HSPH1: variants seen among roughly 807,000 people sequenced by gnomAD.
The protein encoded by HSPH1 is heat shock protein family H (Hsp110) member 1, also known as heat shock protein 105 kDa.
A neutral mutation model predicts 100.0 loss-of-function variants in HSPH1; 40 were observed. That is an observed-to-expected ratio of 0.40 (90% confidence interval 0.31 to 0.52). HSPH1 has a LOEUF of 0.52. HSPH1 is among the 20% of genes least tolerant of loss of function. The pLI is 0.54. For synonymous variants in HSPH1, 403 were observed against 344.0 expected (o/e 1.17, Z -1.90); for missense variants, 876 against 1,015.1 (o/e 0.86, Z 1.86).
At chr13:31,159,238 C>G (rs1956810264) in intron 1 of HSPH1, among the ~76,000 whole-genome samples, 1 of 152,228 alleles carries the variant, frequency 6.6e-6, no homozygotes, top group African/African-American at 2.4e-5. Context: ...GTCACCAACT[C>G]TGTACAAATC....
rs1257359006 is a variant in HSPH1 at position 31,138,982 on chromosome 13, G to A, written c.2088+18C>T. 23 of 1,594,222 alleles carry A rather than the reference G, an allele frequency of 1.4e-5. No individual in the cohort carries two copies. Among genetic ancestry groups the A allele is most frequent in the Non-Finnish European group, 1.8e-5 (21 of 1,162,994 alleles). ...TTTAAAACACAAGTACCACCTTTTG[G>A]GGGAGAAAACGACCTACCATTAATT... On this transcript the variant is annotated intron_variant, in intron 15 of 17. Coordinates refer to ENST00000320027, the MANE Select transcript of HSPH1 (RefSeq NM_006644.4).
At chr13:31,151,901 T>C (rs1735371987) in intron 5 of HSPH1, 159 bp from the exon 6 acceptor site, 6 of 592,950 alleles carry the variant, frequency 1.0e-5, no homozygotes, top group Admixed American at 3.3e-5. Flanking sequence ...ACTGATTTTC[T>C]TGGAATTAAT....
intron 6 of HSPH1, 41 bp from the exon 7 acceptor site, chr13:31,151,232 T>C (rs1449480145): frequency 1.3e-6 from 2 of 1,508,756 alleles, no homozygotes; most frequent in Non-Finnish European, 1.8e-6. Flanking sequence ...TTATTTTCAA[T>C]CACATTTGTA....
rs779400970 is a variant in HSPH1, at chr13:31,145,575, G to A, written c.1572C>T (p.Asn524=). 6 of 1,612,834 alleles carry A rather than the reference G, an allele frequency of 3.7e-6. No individual in the cohort carries two copies. The Admixed American group carries it at 5.0e-5, about 13-fold the overall frequency. The change falls in exon 11 of 18, where the codon AAC becomes AAT. Residue 524 remains asparagine, a synonymous_variant. Transcript: ENST00000320027. ...TCCACAAACTTACATCAGTGTCTGG[G>A]TTTTCTGGTGGTCTCTGATTCAGAC... ...MECLNQRPPE[N]PDTDKNVQQD... is the part of the protein sequence containing the mutation.
intron 8 of HSPH1, among the ~76,000 whole-genome samples, 173 bp from the exon 9 acceptor site, chr13:31,148,653 C>A (rs557380988): frequency 6.6e-6 from 1 of 150,514 alleles, no homozygotes; most frequent in East Asian, 2.0e-4. Flanking sequence ...ATTTTACCAT[C>A]TAAATACTAT....
intron 2 of HSPH1, among the ~76,000 whole-genome samples, chr13:31,157,179 G>A (rs1956729878): frequency 6.6e-6 from 1 of 152,204 alleles, no homozygotes; most frequent in South Asian, 2.1e-4. Context: ...GATGAAGTAT[G>A]TCTAGTAGTA....
At position 31,137,216 on chromosome 13, in the gene HSPH1, C is replaced by T; in HGVS notation, c.*102G>A. 1.3e-6 allele frequency: 1 copy of T among 791,368 alleles called. No individual in the cohort carries two copies. Among genetic ancestry groups the T allele is most frequent in the East Asian group, 2.6e-5 (1 of 38,398 alleles). 49.0% of individuals were successfully genotyped at this position (791,368 alleles called of 1,614,324 possible). A position where few individuals can be genotyped will look rare whatever the true frequency, so the allele number is the denominator to read the frequency against. On this transcript the variant is annotated 3_prime_UTR_variant, in exon 18 of 18. Transcript: ENST00000320027. Reference sequence around the variant, plus strand: ...TATAATACACAAAATTTCTAAATATCCTTAAAAAAGAAAATATAAATAGTT... The same window carrying T: ...TATAATACACAAAATTTCTAAATATTCTTAAAAAAGAAAATATAAATAGTT...
chr13:31,141,206 C>T lies in HSPH1; in HGVS notation c.1770G>A (p.Lys590=). The change falls in exon 13 of 18, where the codon AAG becomes AAA. Residue 590 remains lysine (K), a synonymous_variant. Transcript: ENST00000320027. Reference sequence around the variant, plus strand: ...CAATAGGCAGCTCAACATTCACCACCTTTATTTTGGGCTTTTTAGCTTCTG... The same window carrying T: ...CAATAGGCAGCTCAACATTCACCACTTTTATTTTGGGCTTTTTAGCTTCTG... The part of the protein sequence containing the change: ...QPPEAKKPKI[K]VVNVELPIEA... The T allele has an allele frequency of 6.2e-7, 1 of 1,610,528 alleles. No individual in the cohort carries two copies. The highest frequency in any genetic ancestry group is 8.5e-7 in the Non-Finnish European group (1 of 1,178,082).
At position 31,161,820 on chromosome 13, in the gene HSPH1, C is replaced by A; in HGVS notation, c.-238G>T. ...AACCCTGGGAGAAAGCGGGGCTCAG[C>A]CTCCGCAGGTCGCTCCGCACCTCGG... On this transcript the variant is annotated 5_prime_UTR_variant, in exon 1 of 18. Transcript: ENST00000320027. 6.8e-7 allele frequency: 1 copy of A among 1,478,818 alleles called. No homozygotes were observed. The allele number at this position is 1,478,818 out of a possible 1,614,324, so 91.6% of individuals were successfully genotyped here. A position where few individuals can be genotyped will look rare whatever the true frequency, so the allele number is the denominator to read the frequency against.
In HSPH1 at chr13:31,136,725, CAT is replaced by C. The variant is rs1320803840; in HGVS notation, c.*591_*592del. ...ACATTTCTTCCATTCCACACTTTCACATGACAATATACTGTATAGTGAGAGAG... is the reference window on the plus strand; with the variant it reads ...ACATTTCTTCCATTCCACACTTTCACGACAATATACTGTATAGTGAGAGAG... On this transcript the variant is annotated 3_prime_UTR_variant, in exon 18 of 18. Coordinates refer to ENST00000320027, the MANE Select transcript of HSPH1 (RefSeq NM_006644.4). The C allele has an allele frequency of 2.0e-5, 3 of 153,602 alleles. No individual in the cohort carries two copies. Among genetic ancestry groups the C allele is most frequent in the East Asian group, 1.9e-4 (1 of 5,212 alleles). The allele number at this position is 153,602 out of a possible 1,614,324, so 9.5% of individuals were successfully genotyped here.
intron 4 of HSPH1, among the ~76,000 whole-genome samples, chr13:31,153,386 A>G (rs560168861): frequency 6.6e-6 from 1 of 152,362 alleles, no homozygotes; most frequent in Admixed American, 6.5e-5. Flanking sequence ...ACAGGAACTT[A>G]AAGAGCTAAT....
rs1222512053 is a variant in HSPH1 at position 31,143,811 on chromosome 13, T to G, written c.1697A>C (p.Lys566Thr). The G allele has an allele frequency of 6.2e-7, 1 of 1,609,368 alleles. No homozygotes were observed. The highest frequency in any genetic ancestry group is 8.5e-7 in the Non-Finnish European group (1 of 1,177,650). The change falls in exon 12 of 18, where the codon AAA (lysine) becomes ACA (threonine). Residue 566 changes from lysine (K) to threonine (T), a missense_variant. Lys to Thr is a moderately conservative substitution (Grantham distance 78). Coordinates refer to ENST00000320027, the MANE Select transcript of HSPH1 (RefSeq NM_006644.4). ...PSPELTSEEN[K>T]IPDADKANEK... ...ACTCACTTTGTCAGCATCTGGGATTTTGTTTTCTTCTGAGGTAAGTTCAGG... is the reference window on the plus strand; with the variant it reads ...ACTCACTTTGTCAGCATCTGGGATTGTGTTTTCTTCTGAGGTAAGTTCAGG...
chr13:31,161,983 G>A (rs921435553), upstream of HSPH1: 4 of 1,535,826 alleles, frequency 2.6e-6, no homozygotes, highest in African/African-American at 1.4e-5. Context: ...TTTACTCACC[G>A]GCGCCTCCAC....
At position 31,150,010 on chromosome 13, in the gene HSPH1, C is replaced by T; in HGVS notation, c.1081G>A (p.Asp361Asn). 2 of 1,613,830 alleles carry T rather than the reference C, an allele frequency of 1.2e-6. No individual in the cohort carries two copies. Among genetic ancestry groups the T allele is most frequent in the Non-Finnish European group, 1.7e-6 (2 of 1,179,820 alleles). Residue 361 changes from aspartate to asparagine, a missense_variant, in exon 8 of 18, where the codon GAT (aspartate) becomes AAT (asparagine). By Grantham distance (23) the Asp-to-Asn change is conservative. Coordinates refer to ENST00000320027, the MANE Select transcript of HSPH1 (RefSeq NM_006644.4). Reference protein sequence around the residue: ...KERIAKFFGKDISTTLNADEA... With the variant: ...KERIAKFFGKNISTTLNADEA... ...TCTGCATTGAGTGTTGTGCTAATAT[C>T]TTTTCCAAAGAATTTGGCAATTCTT...
upstream of HSPH1, chr13:31,162,320 G>A: frequency 3.4e-6 from 2 of 585,392 alleles, no homozygotes; most frequent in Non-Finnish European, 6.1e-6. Context: ...CCAGACACCG[G>A]GATGGTGGGG....
chr13:31,159,539 A>G (rs1345667333), intron 1 of HSPH1, among the ~76,000 whole-genome samples: 1 of 152,252 alleles, frequency 6.6e-6, no homozygotes, highest in Non-Finnish European at 1.5e-5. Flanking sequence ...CAACCTTCTC[A>G]GCCACCATGG....
intron 4 of HSPH1, 57 bp downstream of exon 4, chr13:31,154,572 AAAGT>A (rs1340378707): frequency 2.5e-6 from 4 of 1,592,272 alleles, no homozygotes; most frequent in African/African-American, 1.3e-5. Context: ...TTCATACTTA[AAAGT>A]AATACAAAGA....
intron 4 of HSPH1, among the ~76,000 whole-genome samples, chr13:31,153,166 G>C (rs1306595607): frequency 6.6e-6 from 1 of 152,102 alleles, no homozygotes; most frequent in Non-Finnish European, 1.5e-5. Flanking sequence ...GATCAAAATA[G>C]TCTTTCTTAT....
At chr13:31,158,920 G>A (rs41292151) in intron 1 of HSPH1, 57 bp from the exon 2 acceptor site, 150,823 of 1,056,764 alleles carry the variant, frequency 0.14, 12,338 homozygotes, top group Middle Eastern at 0.2. Context: ...ATTTTAAACT[G>A]ATAAGAGAAA....
Sources: allele counts gnomAD v4.1 joint callset (sites outside exome capture counted in the v4.1 genomes callset), GRCh38; gene constraint gnomAD v4.1.1; transcripts MANE v1.5; gene names NCBI Gene and HGNC (gene_info 2026-07-23, HGNC 2026-07-21).